Variants in PLPP4 observed in about 807,000 individuals in gnomAD.
PLPP4 encodes phospholipid phosphatase 4.
In PLPP4, 20 loss-of-function variants were observed where a neutral mutation model predicts 32.2. That is an observed-to-expected ratio of 0.62 (90% confidence interval 0.44 to 0.90). The LOEUF (loss-of-function observed/expected upper bound fraction) is 0.90. Ranked by LOEUF, PLPP4 falls within the 40% of genes least tolerant of loss-of-function variation. The pLI is 0.00. For missense variants in PLPP4, 257 were observed against 353.1 expected (o/e 0.73, Z 2.18); for synonymous variants, 127 against 133.0 (o/e 0.95, Z 0.31).
Position 120,574,129 on chromosome 10 carries a change from TAC to T in PLPP4, c.446-963_446-962del, listed in dbSNP as rs751622346. On this transcript the variant is annotated intron_variant, in intron 5 of 6. Transcript: ENST00000398250. ...GCCACCATTAGAATCATCTGGGGAG[TAC>T]ACACACACACACACACACACACACA... Among the ~76,000 whole-genome samples the T allele has an allele frequency of 8.9e-3, 505 of 56,820 alleles. 9 individuals carry two copies. Among genetic ancestry groups the T allele is most frequent in the South Asian group, 0.014 (15 of 1,058 alleles). The allele number at this position is 56,820 out of a possible 152,430, so 37.3% of individuals were successfully genotyped here. A position where few individuals can be genotyped will look rare whatever the true frequency, so the allele number is the denominator to read the frequency against.
intron 5 of PLPP4, among the ~76,000 whole-genome samples, chr10:120,546,345 A>C (rs1847619521): frequency 1.3e-5 from 2 of 152,090 alleles, no homozygotes; most frequent in Admixed American, 1.3e-4. Flanking sequence ...CCTGCTATAG[A>C]GCCTTCCTGT....
At chr10:120,499,670 A>T (rs1845147812) in intron 1 of PLPP4, among the ~76,000 whole-genome samples, 1 of 152,186 alleles carries the variant, frequency 6.6e-6, no homozygotes, top group South Asian at 2.1e-4. Flanking sequence ...AGCTTGCTGG[A>T]AATGCTAGCT....
intron 5 of PLPP4, among the ~76,000 whole-genome samples, chr10:120,567,688 T>C (rs1480099645): frequency 1.3e-5 from 2 of 152,240 alleles, no homozygotes; most frequent in African/African-American, 4.8e-5. Flanking sequence ...GTTTGTTTTT[T>C]TGATAAAGAG....
intron 5 of PLPP4, among the ~76,000 whole-genome samples, chr10:120,559,821 A>G (rs1411140543): frequency 1.3e-5 from 2 of 152,220 alleles, no homozygotes; most frequent in Non-Finnish European, 2.9e-5. Context: ...ATGAAAAGTT[A>G]AAATTTATCA....
chr10:120,560,696 A>G (rs1400394805), intron 5 of PLPP4, among the ~76,000 whole-genome samples: 1 of 152,224 alleles, frequency 6.6e-6, no homozygotes, highest in Non-Finnish European at 1.5e-5. Flanking sequence ...CAGAGGTTGC[A>G]GTGAGCTGAG....
intron 1 of PLPP4, among the ~76,000 whole-genome samples, chr10:120,480,147 T>C (rs1844128665): frequency 1.3e-5 from 2 of 152,350 alleles, no homozygotes; most frequent in Non-Finnish European, 2.9e-5. Flanking sequence ...CCTTTTTGAT[T>C]ACTGGCTGGT....
intron 1 of PLPP4, among the ~76,000 whole-genome samples, chr10:120,480,448 T>G (rs977007191): frequency 1.3e-5 from 2 of 152,158 alleles, no homozygotes; most frequent in South Asian, 4.1e-4. Flanking sequence ...CTTATCAAAT[T>G]TGCGAATGAC....
intron 5 of PLPP4, among the ~76,000 whole-genome samples, chr10:120,570,903 G>C (rs941142077): frequency 1.3e-5 from 2 of 152,140 alleles, no homozygotes; most frequent in African/African-American, 4.8e-5. Flanking sequence ...GAAACAGGGT[G>C]AAAAGTCATT....
chr10:120,464,243 A>G (rs111343040), intron 1 of PLPP4, among the ~76,000 whole-genome samples: 1,789 of 152,336 alleles, frequency 0.012, 47 homozygotes, highest in African/African-American at 0.04. Context: ...AACATATTGT[A>G]TTGAAGTATA....
In PLPP4 at chr10:120,467,737, A is replaced by G. The variant is rs1462438378; in HGVS notation, c.56+10376A>G. 6.2e-5 allele frequency among the ~76,000 whole-genome samples: 4 copies of G among 64,750 alleles called. 2 individuals carry two copies. Among genetic ancestry groups the G allele is most frequent in the Non-Finnish European group, 1.8e-4 (4 of 22,338 alleles). 42.5% of individuals were successfully genotyped at this position (64,750 alleles called of 152,430 possible). The stretch of plus-strand genomic sequence containing the variant: ...CACACTTTAAATCCGTGATATTTTT[A>G]TGTTAACTTTTATTTTAAGTTCAGG... On this transcript the variant is annotated intron_variant, in intron 1 of 6. Coordinates refer to ENST00000398250, the MANE Select transcript of PLPP4 (RefSeq NM_001030059.3).
At chr10:120,545,215 T>A (rs1165067002) in intron 5 of PLPP4, among the ~76,000 whole-genome samples, 1 of 152,252 alleles carries the variant, frequency 6.6e-6, no homozygotes, top group African/African-American at 2.4e-5. Flanking sequence ...GCTCTTACCC[T>A]TTCCTGGTCC....
chr10:120,462,330 G>A (rs1848091291), intron 1 of PLPP4, among the ~76,000 whole-genome samples: 1 of 152,108 alleles, frequency 6.6e-6, no homozygotes, highest in Admixed American at 6.5e-5. Flanking sequence ...GGCAAAACTG[G>A]GGGGGCCTGG....
At chr10:120,570,921 G>A (rs10886713) in intron 5 of PLPP4, among the ~76,000 whole-genome samples, 151,152 of 152,268 alleles carry the variant, frequency 0.99, 75,032 homozygotes, top group East Asian at 1. Context: ...ATTATCTTTC[G>A]TCTTCTTCCT....
chr10:120,483,257 C>T (rs193032075), intron 1 of PLPP4, among the ~76,000 whole-genome samples: 2,950 of 152,240 alleles, frequency 0.019, 42 homozygotes, highest in Non-Finnish European at 0.025. Context: ...TTTGAGACTC[C>T]TGCTGATCCA....
At position 120,541,162 on chromosome 10, in the gene PLPP4, A is replaced by C. The variant is rs192981147; in HGVS notation, c.445+20067A>C. On this transcript the variant is annotated intron_variant, in intron 5 of 6. Coordinates refer to ENST00000398250, the MANE Select transcript of PLPP4 (RefSeq NM_001030059.3). ...TTACTTCGTATTTAAGTATGTTTCTATATTGATGAGAGTAGAATTATTTTC... is the reference window on the plus strand; with the variant it reads ...TTACTTCGTATTTAAGTATGTTTCTCTATTGATGAGAGTAGAATTATTTTC... 1.8e-4 allele frequency among the ~76,000 whole-genome samples: 27 copies of C among 152,300 alleles called. No individual in the cohort carries two copies. In the South Asian group the frequency reaches 5.6e-3, roughly 32 times the overall value.
chr10:120,590,558 C>G lies in PLPP4; in HGVS notation c.*1056C>G, dbSNP rs1849962548. The stretch of plus-strand genomic sequence containing the variant: ...ACAGAATCAGGAATGTGCTGTGTCT[C>G]TCGCTCAGCTCTTTGCATTGTTGAA... On this transcript the variant is annotated 3_prime_UTR_variant, in exon 7 of 7. Coordinates refer to ENST00000398250, the MANE Select transcript of PLPP4 (RefSeq NM_001030059.3). Among the ~76,000 whole-genome samples, 1 of 152,198 alleles carries G rather than the reference C, an allele frequency of 6.6e-6. No homozygotes were observed. Among genetic ancestry groups the G allele is most frequent in the Non-Finnish European group, 1.5e-5 (1 of 68,042 alleles).
chr10:120,512,381 A>G (rs187454412), intron 2 of PLPP4, among the ~76,000 whole-genome samples: 2 of 152,330 alleles, frequency 1.3e-5, no homozygotes, highest in Admixed American at 1.3e-4. Context: ...AAACAATCCA[A>G]GTCATTCAGG....
intron 5 of PLPP4, among the ~76,000 whole-genome samples, chr10:120,532,982 T>C (rs1280829763): frequency 1.3e-5 from 2 of 152,164 alleles, no homozygotes; most frequent in East Asian, 3.8e-4. Flanking sequence ...TTCTTTTGGG[T>C]ATATATTAGA....
chr10:120,526,664 C>T (rs2133923117), intron 5 of PLPP4, among the ~76,000 whole-genome samples: 1 of 152,274 alleles, frequency 6.6e-6, no homozygotes, highest in Admixed American at 6.5e-5. Context: ...TTTTCCAAAA[C>T]CAGAGCCTCA....
Sources: allele counts gnomAD v4.1 joint callset (sites outside exome capture counted in the v4.1 genomes callset), GRCh38; gene constraint gnomAD v4.1.1; transcripts MANE v1.5; gene names NCBI Gene and HGNC (gene_info 2026-07-23, HGNC 2026-07-21).